The following COMMD10 variants were observed in gnomAD, a reference collection of about 807,000 sequenced individuals.
COMMD10 encodes COMM domain-containing protein 10.
In COMMD10, 33 loss-of-function variants were observed where a neutral mutation model predicts 28.9. That is an observed-to-expected ratio of 1.14 (90% CI 0.87 to 1.53). The LOEUF (loss-of-function observed/expected upper bound fraction) is 1.53. Among genes scored for constraint, COMMD10 ranks in the 40% most tolerant of loss-of-function variants. The pLI is 0.00. For missense variants in COMMD10, 310 were observed against 233.4 expected (o/e 1.33, Z -2.14); for synonymous variants, 110 against 81.7 (o/e 1.35, Z -1.87).
chr5:116,274,743 A>AC (rs1452367482), intron 5 of COMMD10, among the ~76,000 whole-genome samples: 1 of 151,654 alleles, frequency 6.6e-6, no homozygotes, highest in Admixed American at 6.6e-5. Flanking sequence ...AGTGTCCCTG[A>AC]CCTACCTCTA....
chr5:116,164,269 C>T (rs879918716), intron 5 of COMMD10, among the ~76,000 whole-genome samples: 8 of 151,706 alleles, frequency 5.3e-5, no homozygotes, highest in Non-Finnish European at 7.4e-5. Flanking sequence ...TGCAGTGAGC[C>T]GAGATTGGGC....
At chr5:116,186,964 T>C (rs1025451199) in intron 5 of COMMD10, among the ~76,000 whole-genome samples, 10 of 152,304 alleles carry the variant, frequency 6.6e-5, no homozygotes, top group South Asian at 2.1e-4. Context: ...ACTAGAAATA[T>C]GTAATAATTT....
chr5:116,218,633 C>A lies in COMMD10; in HGVS notation c.511-72884C>A, dbSNP rs570109471. 9.9e-5 allele frequency among the ~76,000 whole-genome samples: 15 copies of A among 152,132 alleles called. No homozygotes were observed. In the South Asian group the frequency reaches 3.1e-3, roughly 32 times the overall value. Reference sequence around the variant, plus strand: ...GGTAGTGGTAAGAGCTTCCCTATTCCCTGTTTGACACAAATTTTCTTGGAA... The same window carrying A: ...GGTAGTGGTAAGAGCTTCCCTATTCACTGTTTGACACAAATTTTCTTGGAA... On this transcript the variant is annotated intron_variant, in intron 5 of 6. Coordinates refer to ENST00000274458, the MANE Select transcript of COMMD10 (RefSeq NM_016144.4).
At chr5:116,198,729 G>T (rs1413097466) in intron 5 of COMMD10, among the ~76,000 whole-genome samples, 2 of 152,044 alleles carry the variant, frequency 1.3e-5, no homozygotes, top group Non-Finnish European at 2.9e-5. Context: ...GTCTTCTCAG[G>T]TTTTCTTCTT....
intron 4 of COMMD10, among the ~76,000 whole-genome samples, chr5:116,095,389 G>C (rs958572445): frequency 6.6e-6 from 1 of 152,154 alleles, no homozygotes; most frequent in African/African-American, 2.4e-5. Context: ...CATGTCTAAG[G>C]TTAGCTAAGC....
Position 116,174,229 on chromosome 5 carries a change from A to G in COMMD10, c.510+40051A>G, listed in dbSNP as rs1234827597. On this transcript the variant is annotated intron_variant, in intron 5 of 6. Transcript: ENST00000274458. Reference sequence around the variant, plus strand: ...AACAATCCAGTAAGTAAGAACACCAATTGCAAAGGCCCTGAGATGGAAGTG... The same window carrying G: ...AACAATCCAGTAAGTAAGAACACCAGTTGCAAAGGCCCTGAGATGGAAGTG... Among the ~76,000 whole-genome samples the G allele has an allele frequency of 3.3e-5, 5 of 152,146 alleles. No homozygotes were observed. The East Asian group carries it at 5.8e-4, about 18-fold the overall frequency.
At chr5:116,101,040 A>G (rs1307797505) in intron 4 of COMMD10, among the ~76,000 whole-genome samples, 5 of 152,212 alleles carry the variant, frequency 3.3e-5, no homozygotes, top group Admixed American at 3.3e-4. Flanking sequence ...AATGGCCTCC[A>G]GTTTCATCCA....
intron 5 of COMMD10, among the ~76,000 whole-genome samples, chr5:116,200,497 A>G (rs963869575): frequency 1.3e-5 from 2 of 151,984 alleles, no homozygotes; most frequent in African/African-American, 2.4e-5. Context: ...TTTAGTCACT[A>G]TTGCTTTACA....
At chr5:116,279,752 G>T (rs912665616) in intron 5 of COMMD10, among the ~76,000 whole-genome samples, 3 of 151,708 alleles carry the variant, frequency 2.0e-5, no homozygotes, top group African/African-American at 7.3e-5. Flanking sequence ...AAATTTTGTT[G>T]GTCTAATTGG....
intron 5 of COMMD10, among the ~76,000 whole-genome samples, chr5:116,233,465 T>G (rs1156746460): frequency 6.6e-6 from 1 of 152,136 alleles, no homozygotes; most frequent in Non-Finnish European, 1.5e-5. Flanking sequence ...ATGAAAGTCC[T>G]TGACCCTTGT....
intron 5 of COMMD10, among the ~76,000 whole-genome samples, chr5:116,203,725 G>A: frequency 6.6e-6 from 1 of 151,780 alleles, no homozygotes; most frequent in Non-Finnish European, 1.5e-5. Context: ...TGCCCTAAAA[G>A]AGCTCCTGAA....
chr5:116,190,989 T>TATAA (rs1748351914), intron 5 of COMMD10, among the ~76,000 whole-genome samples: 1 of 152,200 alleles, frequency 6.6e-6, no homozygotes, highest in African/African-American at 2.4e-5. Context: ...TTTCTACATT[T>TATAA]TACACCCTGT....
At chr5:116,275,542 C>T (rs181053453) in intron 5 of COMMD10, among the ~76,000 whole-genome samples, 44 of 151,714 alleles carry the variant, frequency 2.9e-4, no homozygotes, top group Non-Finnish European at 5.9e-4. Context: ...TCAAGGAAAA[C>T]AAAGATTGTA....
chr5:116,168,753 G>A (rs1437564179), intron 5 of COMMD10, among the ~76,000 whole-genome samples: 6 of 152,076 alleles, frequency 3.9e-5, no homozygotes, highest in African/African-American at 1.2e-4. Flanking sequence ...CGAAATGAAG[G>A]CAGAAATAAA....
chr5:116,127,450 C>G (rs1751695974), intron 4 of COMMD10, among the ~76,000 whole-genome samples: 1 of 152,188 alleles, frequency 6.6e-6, no homozygotes, highest in Admixed American at 6.5e-5. Context: ...GATTATAAAT[C>G]ATGCTGCTAT....
rs556312719 is a variant in COMMD10, at chr5:116,178,026, A to G, written c.510+43848A>G. Among the ~76,000 whole-genome samples the G allele has an allele frequency of 2.2e-4, 34 of 152,248 alleles. No homozygotes were observed. In the Middle Eastern group the frequency reaches 0.027, roughly 122 times the overall value. On this transcript the variant is annotated intron_variant, in intron 5 of 6. Coordinates refer to ENST00000274458, the MANE Select transcript of COMMD10 (RefSeq NM_016144.4). Reference sequence around the variant, plus strand: ...AAAGATAGGGTTCAGAATGGTACACACTATACTTGAGAGTTATTTGGGCTC... The same window carrying G: ...AAAGATAGGGTTCAGAATGGTACACGCTATACTTGAGAGTTATTTGGGCTC...
At chr5:116,199,599 A>G (rs747234070) in intron 5 of COMMD10, among the ~76,000 whole-genome samples, 1 of 152,132 alleles carries the variant, frequency 6.6e-6, no homozygotes, top group South Asian at 2.1e-4. Flanking sequence ...TTATTTTACC[A>G]TTATGTATTC....
At chr5:116,280,621 C>T (rs1450217866) in intron 5 of COMMD10, among the ~76,000 whole-genome samples, 1 of 151,774 alleles carries the variant, frequency 6.6e-6, no homozygotes, top group Non-Finnish European at 1.5e-5. Flanking sequence ...TAAATGTTTA[C>T]TGAATGACTG....
Position 116,291,448 on chromosome 5 carries a change from G to T in COMMD10, c.511-69G>T, listed in dbSNP as rs1751357324. 7.4e-6 allele frequency: 8 copies of T among 1,080,684 alleles called. No individual in the cohort carries two copies. In the South Asian group the frequency reaches 1.1e-4, roughly 15 times the overall value. 66.9% of individuals were successfully genotyped at this position (1,080,684 alleles called of 1,614,324 possible). A position where few individuals can be genotyped will look rare whatever the true frequency, so the allele number is the denominator to read the frequency against. On this transcript the variant is annotated intron_variant, in intron 5 of 6. Coordinates refer to ENST00000274458, the MANE Select transcript of COMMD10 (RefSeq NM_016144.4). ...AATCTTATGTCATATTCTGAGGTTA[G>T]CTGGAGAGAAAAAATGTGATGTAAA...
Sources: gnomAD v4.1 joint callset for allele counts (sites outside exome capture counted in the v4.1 genomes callset) on GRCh38, gnomAD v4.1.1 for gene constraint, MANE v1.5 for transcripts, NCBI Gene and HGNC (gene_info 2026-07-23, HGNC 2026-07-21) for gene names.